Variants in GPATCH1 observed in about 807,000 individuals in gnomAD.
The protein encoded by GPATCH1 is G patch domain-containing protein 1.
GPATCH1 carries 73 observed loss-of-function variants against 114.9 expected under a neutral mutation model. That is an observed-to-expected ratio of 0.64 (90% CI 0.53 to 0.77). GPATCH1 has a LOEUF of 0.77. Ranked by LOEUF, GPATCH1 falls within the 30% of genes least tolerant of loss-of-function variation. The probability of loss-of-function intolerance (pLI) is 0.00; values close to 1 mark genes in which losing one functional copy is unlikely to be tolerated. For missense variants in GPATCH1, 1,058 were observed against 1,144.3 expected (o/e 0.92, Z 1.09); for synonymous variants, 391 against 428.4 (o/e 0.91, Z 1.08).
intron 11 of GPATCH1, among the ~76,000 whole-genome samples, chr19:33,111,040 G>A (rs6510348): frequency 0.42 from 62,142 of 148,804 alleles, 16,341 homozygotes; most frequent in African/African-American, 0.73. Flanking sequence ...TTTTTTGAAC[G>A]GAGTCTTGCT....
intron 19 of GPATCH1, among the ~76,000 whole-genome samples, 186 bp from the exon 20 acceptor site, chr19:33,129,944 C>CG (rs200628032): frequency 4.8e-4 from 40 of 84,096 alleles, no homozygotes; most frequent in African/African-American, 2.6e-3. Context: ...GACTCCATCT[C>CG]GGGGGAAAAA....
intron 15 of GPATCH1, among the ~76,000 whole-genome samples, chr19:33,117,313 G>A (rs1443527271): frequency 4.6e-5 from 7 of 152,150 alleles, no homozygotes. Flanking sequence ...TGATGTATCT[G>A]GGTGTGAATT....
At position 33,088,128 on chromosome 19, in the gene GPATCH1, T is replaced by C; in HGVS notation, c.74-6T>C. The C allele has an allele frequency of 1.3e-6, 2 of 1,489,692 alleles. No individual in the cohort carries two copies. Among genetic ancestry groups the C allele is most frequent in the Non-Finnish European group, 1.8e-6 (2 of 1,120,796 alleles). 92.3% of individuals were successfully genotyped at this position (1,489,692 alleles called of 1,614,324 possible). On this transcript the variant is annotated splice_polypyrimidine_tract_variant and splice_region_variant and intron_variant, in intron 1 of 19. Transcript: ENST00000170564. ...TTTAAAAAACTTTTTTTTTTTTTTT[T>C]TTTAGGTGAAAGACCAAAGAAACCA...
At chr19:33,110,941 G>A (rs1473985760) in intron 11 of GPATCH1, among the ~76,000 whole-genome samples, 2 of 149,812 alleles carry the variant, frequency 1.3e-5, no homozygotes, top group African/African-American at 4.9e-5. Context: ...GCAACATAGT[G>A]AGATCCTGCC....
In GPATCH1 at chr19:33,113,550, T is replaced by C. The variant is rs533823771; in HGVS notation, c.1893-217T>C. On this transcript the variant is annotated intron_variant, in intron 13 of 19. Coordinates refer to ENST00000170564, the MANE Select transcript of GPATCH1 (RefSeq NM_018025.3). ...GGAGCTTTTCCTTAATGGAAATCCA[T>C]TTTGAAAGTTAAATTCTTGTCCTTA... 12 of 469,382 alleles carry C rather than the reference T, an allele frequency of 2.6e-5. No individual in the cohort carries two copies. In the East Asian group the frequency reaches 4.4e-4, roughly 17 times the overall value. 29.1% of individuals were successfully genotyped at this position (469,382 alleles called of 1,614,324 possible).
intron 17 of GPATCH1, among the ~76,000 whole-genome samples, chr19:33,121,014 T>A (rs1972977482): frequency 6.7e-6 from 1 of 149,920 alleles, no homozygotes; most frequent in African/African-American, 2.5e-5. Context: ...TTAATTAATT[T>A]AAAAAAAATT....
At chr19:33,090,147 T>G (rs988359835) in intron 2 of GPATCH1, among the ~76,000 whole-genome samples, 2 of 152,152 alleles carry the variant, frequency 1.3e-5, no homozygotes, top group African/African-American at 4.8e-5. Context: ...ATTCCCTGTT[T>G]GTGGACGTGG....
rs528963001 is a variant in GPATCH1, at chr19:33,081,417, G to A, written c.73+151G>A. 461 of 704,480 alleles carry A rather than the reference G, an allele frequency of 6.5e-4. 3 individuals are homozygous for A. Among genetic ancestry groups the A allele is most frequent in the Admixed American group, 1.1e-3 (43 of 40,952 alleles). The allele number at this position is 704,480 out of a possible 1,614,324, so 43.6% of individuals were successfully genotyped here. A position where few individuals can be genotyped will look rare whatever the true frequency, so the allele number is the denominator to read the frequency against. On this transcript the variant is annotated intron_variant, in intron 1 of 19. Transcript: ENST00000170564. The stretch of plus-strand genomic sequence containing the variant: ...GAGGGAGGCGTTAGCCGCGCTCTCG[G>A]GGTGCTCACCTTCTGCAGCGACAGA...
chr19:33,090,483 A>C (rs1197569289), intron 2 of GPATCH1, among the ~76,000 whole-genome samples: 1 of 152,198 alleles, frequency 6.6e-6, no homozygotes, highest in African/African-American at 2.4e-5. Flanking sequence ...TGCATCTGTC[A>C]GCTCAGATCT....
intron 17 of GPATCH1, among the ~76,000 whole-genome samples, chr19:33,122,576 A>G (rs1349287355): frequency 2.0e-5 from 3 of 150,192 alleles, no homozygotes; most frequent in South Asian, 2.1e-4. Context: ...GCCCGCCTCA[A>G]CCTCCCAAAG....
intron 11 of GPATCH1, among the ~76,000 whole-genome samples, chr19:33,111,190 G>A (rs1221412733): frequency 6.6e-6 from 1 of 151,000 alleles, no homozygotes; most frequent in Non-Finnish European, 1.5e-5. Flanking sequence ...GTGCCACCAC[G>A]CCTGGTAATT....
At chr19:33,105,796 T>C (rs1972777321) in intron 9 of GPATCH1, among the ~76,000 whole-genome samples, 1 of 152,098 alleles carries the variant, frequency 6.6e-6, no homozygotes. Flanking sequence ...AGTGCTGGGA[T>C]TATAGGCATG....
intron 8 of GPATCH1, among the ~76,000 whole-genome samples, chr19:33,098,384 TG>T (rs1004140295): frequency 9.2e-5 from 14 of 152,348 alleles, no homozygotes; most frequent in South Asian, 2.1e-4. Context: ...AGGCTCTTGT[TG>T]GGATAAGAGG....
Position 33,096,232 on chromosome 19 carries a change from A to C in GPATCH1, c.638A>C (p.Asp213Ala), listed in dbSNP as rs755974063. 5.6e-6 allele frequency: 9 copies of C among 1,613,874 alleles called. No homozygotes were observed. In the Admixed American group the frequency reaches 1.5e-4, roughly 27 times the overall value. Residue 213 changes from aspartate to alanine, a missense_variant, in exon 7 of 20, where the codon GAT becomes GCT. Asp to Ala is a moderately radical substitution (Grantham distance 126, BLOSUM62 -2). Transcript: ENST00000170564. ...SEGEDDDYLPDNVTFAPKDVT... is the reference protein window; with the variant it reads ...SEGEDDDYLPANVTFAPKDVT... ...GGTGAAGATGATGACTACTTGCCTG[A>C]TAATGTGACCTTTGCACCCAAAGAT...
intron 11 of GPATCH1, among the ~76,000 whole-genome samples, chr19:33,111,385 GA>G (rs10709432): frequency 0.4 from 35,048 of 88,188 alleles, 6,694 homozygotes; most frequent in East Asian, 0.79. Flanking sequence ...CTCCATCTCA[GA>G]AAAAAAAAAA....
rs147559047 is a variant in GPATCH1 at position 33,126,102 on chromosome 19, A to C, written c.2620-486A>C. On this transcript the variant is annotated intron_variant, in intron 18 of 19. Transcript: ENST00000170564. ...TGGCGGATGACGGGCGTTCCCTCCT[A>C]GTGAAAGGAAGAAAATGTGTGCCGA... Among the ~76,000 whole-genome samples the C allele has an allele frequency of 3.7e-3, 562 of 152,232 alleles. 1 individual carries two copies. The highest frequency in any genetic ancestry group is 5.7e-3 in the Non-Finnish European group (387 of 68,012).
intron 5 of GPATCH1, among the ~76,000 whole-genome samples, chr19:33,095,066 G>A (rs1172361698): frequency 1.3e-5 from 2 of 152,072 alleles, no homozygotes; most frequent in East Asian, 3.9e-4. Flanking sequence ...ACTCAGGAGA[G>A]TGAGGTGGGA....
chr19:33,119,449 C>G (rs1972952206), intron 17 of GPATCH1, among the ~76,000 whole-genome samples: 2 of 152,132 alleles, frequency 1.3e-5, no homozygotes, highest in South Asian at 4.1e-4. Context: ...CCTGTAATCC[C>G]AGCACTTTGG....
chr19:33,115,184 G>A (rs146454368), intron 15 of GPATCH1, among the ~76,000 whole-genome samples: 1 of 142,288 alleles, frequency 7.0e-6, no homozygotes, highest in African/African-American at 2.6e-5. Flanking sequence ...TCAGCCTCCT[G>A]AGTAGTTGGG....
Sources: gnomAD v4.1 joint callset for allele counts (sites outside exome capture counted in the v4.1 genomes callset) on GRCh38, gnomAD v4.1.1 for gene constraint, MANE v1.5 for transcripts, NCBI Gene and HGNC (gene_info 2026-07-23, HGNC 2026-07-21) for gene names.